KCNAB1: variants seen among roughly 807,000 people sequenced by gnomAD.
The protein encoded by KCNAB1 is potassium voltage-gated channel subfamily A regulatory beta subunit 1, also known as voltage-gated potassium channel subunit beta-1.
KCNAB1 carries 35 observed loss-of-function variants against 64.6 expected under a neutral mutation model. The ratio of observed to expected loss-of-function variants is 0.54; its 90% CI spans 0.41 to 0.72. The LOEUF is 0.72. Among genes scored for constraint, KCNAB1 ranks in the 30% least tolerant of loss-of-function variants. The pLI is 0.00. For missense variants in KCNAB1, 401 were observed against 512.9 expected, an observed-to-expected ratio of 0.78 and a Z score of 2.11; for synonymous variants, 177 against 183.8, an observed-to-expected ratio of 0.96 and a Z score of 0.30.
intron 2 of KCNAB1, among the ~76,000 whole-genome samples, chr3:156,449,830 G>A (rs1197438451): frequency 6.6e-6 from 1 of 152,140 alleles, no homozygotes; most frequent in African/African-American, 2.4e-5. Flanking sequence ...TGAAACATTT[G>A]TGCAATACTT....
At chr3:156,435,907 T>C (rs914738470) in intron 2 of KCNAB1, among the ~76,000 whole-genome samples, 5 of 152,210 alleles carry the variant, frequency 3.3e-5, no homozygotes, top group Non-Finnish European at 7.4e-5. Context: ...TAAAAGTCTA[T>C]GTCTATCTTT....
chr3:156,164,484 G>T (rs1716256311), intron 1 of KCNAB1, among the ~76,000 whole-genome samples: 1 of 152,164 alleles, frequency 6.6e-6, no homozygotes, highest in East Asian at 1.9e-4. Context: ...GAAGCTGCCT[G>T]CAGGGAGAGA....
chr3:156,322,642 T>C lies in KCNAB1; in HGVS notation c.276-98974T>C, dbSNP rs183717676. 9.8e-5 allele frequency among the ~76,000 whole-genome samples: 15 copies of C among 152,314 alleles called. No homozygotes were observed. The East Asian group carries it at 2.5e-3, about 25-fold the overall frequency. The stretch of plus-strand genomic sequence containing the variant: ...ACAGAGACCGAGAGATGACTATATA[T>C]AGTGATGCAGGTCAATAGGAAACTT... On this transcript the variant is annotated intron_variant, in intron 1 of 13. Transcript: ENST00000490337.
At chr3:156,140,923 A>T (rs1205946931) in intron 1 of KCNAB1, among the ~76,000 whole-genome samples, 1 of 152,110 alleles carries the variant, frequency 6.6e-6, no homozygotes, top group Non-Finnish European at 1.5e-5. Context: ...CAGAGATGTA[A>T]GATGTGATGG....
intron 1 of KCNAB1, among the ~76,000 whole-genome samples, chr3:156,351,795 GGGTCTCTCTCCCTGCCTTCCTCT>G (rs893872543): frequency 2.0e-5 from 3 of 152,228 alleles, no homozygotes; most frequent in Non-Finnish European, 4.4e-5. Context: ...AGGCAATTCA[GGGTCTCTCTCCCTGCCTTCCTCT>G]GGTCTCTCTC....
chr3:156,451,661 C>G (rs2108277075), intron 2 of KCNAB1, among the ~76,000 whole-genome samples: 1 of 152,246 alleles, frequency 6.6e-6, no homozygotes, highest in Admixed American at 6.5e-5. Flanking sequence ...TTGTATGCCT[C>G]CCAAATATCA....
chr3:156,174,277 T>G (rs1380737193), intron 1 of KCNAB1, among the ~76,000 whole-genome samples: 1 of 152,250 alleles, frequency 6.6e-6, no homozygotes, highest in Non-Finnish European at 1.5e-5. Context: ...CTTTGTTCCC[T>G]TCAAGCAATA....
rs71141708 is a variant in KCNAB1 at position 156,443,739 on chromosome 3, T to TACACACAC, written c.320-9125_320-9118dup. On this transcript the variant is annotated intron_variant, in intron 2 of 13. Transcript: ENST00000490337. ...AGGGTTCTAAGTAATATTTAGTCCT[T>TACACACAC]ACACACACACACACACACACACACA... Among the ~76,000 whole-genome samples the TACACACAC allele has an allele frequency of 2.6e-3, 373 of 141,838 alleles. 1 individual carries two copies. Among genetic ancestry groups the TACACACAC allele is most frequent in the African/African-American group, 6.7e-3 (254 of 37,750 alleles). The allele number at this position is 141,838 out of a possible 152,430, so 93.1% of individuals were successfully genotyped here. A position where few individuals can be genotyped will look rare whatever the true frequency, so the allele number is the denominator to read the frequency against.
At chr3:156,320,688 T>C (rs1337422546) in intron 1 of KCNAB1, among the ~76,000 whole-genome samples, 2 of 152,174 alleles carry the variant, frequency 1.3e-5, no homozygotes, top group Non-Finnish European at 2.9e-5. Flanking sequence ...CTCGTCCCTC[T>C]GTCCTTATTG....
At chr3:156,276,979 G>A (rs754028023) in intron 1 of KCNAB1, among the ~76,000 whole-genome samples, 1 of 152,054 alleles carries the variant, frequency 6.6e-6, no homozygotes, top group Admixed American at 6.6e-5. Flanking sequence ...GCCTGTCTAG[G>A]CTTTTGACAT....
At chr3:156,223,157 G>A (rs960829466) in intron 1 of KCNAB1, among the ~76,000 whole-genome samples, 1 of 152,182 alleles carries the variant, frequency 6.6e-6, no homozygotes, top group Admixed American at 6.5e-5. Context: ...TGGTGGGTTT[G>A]TGGTCTCACT....
chr3:156,506,348 A>G (rs1057194403), intron 8 of KCNAB1, among the ~76,000 whole-genome samples: 3 of 152,218 alleles, frequency 2.0e-5, no homozygotes, highest in African/African-American at 7.2e-5. Flanking sequence ...TAAAAACAAC[A>G]GTTGCTGTTC....
intron 2 of KCNAB1, among the ~76,000 whole-genome samples, chr3:156,444,020 C>T (rs1717218277): frequency 6.6e-6 from 1 of 152,204 alleles, no homozygotes; most frequent in Non-Finnish European, 1.5e-5. Context: ...GTTGCTATCA[C>T]ATTTGTCAAC....
chr3:156,501,065 C>T (rs1716367361), intron 8 of KCNAB1, among the ~76,000 whole-genome samples: 1 of 152,188 alleles, frequency 6.6e-6, no homozygotes, highest in Non-Finnish European at 1.5e-5. Context: ...GTCATCTGCT[C>T]CTTTGATTTC....
At chr3:156,178,629 A>AT (rs1712556900) in intron 1 of KCNAB1, among the ~76,000 whole-genome samples, 1 of 152,174 alleles carries the variant, frequency 6.6e-6, no homozygotes, top group Admixed American at 6.5e-5. Flanking sequence ...ATTTATCTTT[A>AT]TTTTTTGAGA....
Position 156,463,804 on chromosome 3 carries a change from T to TAGGC in KCNAB1, c.527+61_527+64dup, listed in dbSNP as rs1301008437. 2.2e-6 allele frequency: 3 copies of TAGGC among 1,363,158 alleles called. No individual in the cohort carries two copies. In the African/African-American group the frequency reaches 4.4e-5, roughly 20 times the overall value. 84.4% of individuals were successfully genotyped at this position (1,363,158 alleles called of 1,614,324 possible). A position where few individuals can be genotyped will look rare whatever the true frequency, so the allele number is the denominator to read the frequency against. On this transcript the variant is annotated intron_variant, in intron 6 of 13. Coordinates refer to ENST00000490337, the MANE Select transcript of KCNAB1 (RefSeq NM_172160.3). The stretch of plus-strand genomic sequence containing the variant: ...CTAGTAGTTCATGCTTTTTTGCTGT[T>TAGGC]AGGCAGTTATTTTACATATAACGTA...
chr3:156,186,088 C>T (rs1713171690), intron 1 of KCNAB1, among the ~76,000 whole-genome samples: 1 of 152,226 alleles, frequency 6.6e-6, no homozygotes, highest in Admixed American at 6.5e-5. Context: ...CTTTGCCAAT[C>T]AATTGGCCAC....
intron 1 of KCNAB1, among the ~76,000 whole-genome samples, chr3:156,140,355 T>G (rs1714636238): frequency 6.6e-6 from 1 of 152,194 alleles, no homozygotes; most frequent in Non-Finnish European, 1.5e-5. Flanking sequence ...TGCACATTAA[T>G]TTCTCACAGT....
In KCNAB1 at chr3:156,485,685, G is replaced by A. The variant is rs115474110; in HGVS notation, c.658+10865G>A. Among the ~76,000 whole-genome samples the A allele has an allele frequency of 1.5e-3, 226 of 152,032 alleles. 2 individuals are homozygous for A. The highest frequency in any genetic ancestry group is 5.2e-3 in the African/African-American group (215 of 41,470). On this transcript the variant is annotated intron_variant, in intron 8 of 13. Transcript: ENST00000490337. ...CTGAGCTTTGGGCTTCTAGTGAACT[G>A]ATCACCCAAATAGTGAACATTGTAC...
Sources: allele counts gnomAD v4.1 joint callset (sites outside exome capture counted in the v4.1 genomes callset), GRCh38; gene constraint gnomAD v4.1.1; transcripts MANE v1.5; gene names NCBI Gene and HGNC (gene_info 2026-07-23, HGNC 2026-07-21).